Variants in PTCH2 observed in about 807,000 individuals in gnomAD.
PTCH2 encodes patched 2.
In PTCH2, 96 loss-of-function variants were observed where a neutral mutation model predicts 117.9. The ratio of observed to expected loss-of-function variants is 0.81; its 90% CI spans 0.69 to 0.96. The LOEUF (loss-of-function observed/expected upper bound fraction) is 0.96. PTCH2 is among the 50% of genes least tolerant of loss of function. The pLI is 0.00. For synonymous variants in PTCH2, 615 were observed against 660.9 expected, an observed-to-expected ratio of 0.93 and a Z score of 1.06; for missense variants, 1,379 against 1,562.5, an observed-to-expected ratio of 0.88 and a Z score of 1.98.
chr1:44,825,541 T>C (rs564515709), intron 19 of PTCH2, among the ~76,000 whole-genome samples: 1 of 152,256 alleles, frequency 6.6e-6, no homozygotes, highest in South Asian at 2.1e-4. Flanking sequence ...CCAAATTCTT[T>C]TTTGAGATTG....
At position 44,829,408 on chromosome 1, in the gene PTCH2, CA is replaced by C. The variant is rs756351532; in HGVS notation, c.1208del (p.Leu403ArgfsTer9). 6.2e-7 allele frequency: 1 copy of C among 1,614,190 alleles called. No individual in the cohort carries two copies. Among genetic ancestry groups the C allele is most frequent in the Non-Finnish European group, 8.5e-7 (1 of 1,180,026 alleles). ...VSAARVVGGY[L>X]LMLAYACVTM... ...TGCCAGGTGCAAGACCCACCATGAG[CA>C]GATAGCCTCCCACCACACGGGCAGC... On this transcript the variant is annotated frameshift_variant, in exon 9 of 22. Coordinates refer to ENST00000372192, the MANE Select transcript of PTCH2 (RefSeq NM_003738.5). LOFTEE classifies it high-confidence loss of function.
At chr1:44,835,782 C>T (rs192351864) in intron 2 of PTCH2, among the ~76,000 whole-genome samples, 14 of 152,194 alleles carry the variant, frequency 9.2e-5, no homozygotes, top group East Asian at 3.9e-4. Context: ...GAGGTGCCCA[C>T]GAGAAGAAGT....
In PTCH2 at chr1:44,823,055, G is replaced by T. The variant is rs765650749; in HGVS notation, c.3357+14C>A. 6.2e-7 allele frequency: 1 copy of T among 1,610,442 alleles called. No homozygotes were observed. Among genetic ancestry groups the T allele is most frequent in the Non-Finnish European group, 8.5e-7 (1 of 1,178,514 alleles). Reference sequence around the variant, plus strand: ...GGGCTGGGAGTAGAGGGATGGTGCCGAGGGTGTGGTCACCTCTGGCGGCGG... The same window carrying T: ...GGGCTGGGAGTAGAGGGATGGTGCCTAGGGTGTGGTCACCTCTGGCGGCGG... On this transcript the variant is annotated intron_variant, in intron 21 of 21. Transcript: ENST00000372192. This position sits in a 1 kb window ranked among gnomAD's most constrained non-coding sequence, Gnocchi z 5.1.
rs1653000364 is a variant in PTCH2 at position 44,823,372 on chromosome 1, G to A, written c.3128C>T (p.Thr1043Ile). The change falls in exon 20 of 22, where the codon ACC becomes ATC. Residue 1043 changes from threonine (T) to isoleucine (I), a missense_variant. By Grantham distance (89) the Thr-to-Ile change is moderately conservative (BLOSUM62 -1). Coordinates refer to ENST00000372192, the MANE Select transcript of PTCH2 (RefSeq NM_003738.5). The surrounding 1 kb of genome is among the most constrained non-coding windows in gnomAD (Gnocchi z 5.1). ...TVHVALGFLTTQGSRNLRAAH... is the reference protein window; with the variant it reads ...TVHVALGFLTIQGSRNLRAAH... ...GGCCCGCAGGTTCCGGCTGCCCTGG[G>A]TGGTCAGGAAGCCCTAGGAAAACAG... 1 of 1,614,222 alleles carries A rather than the reference G, an allele frequency of 6.2e-7. No individual in the cohort carries two copies. The highest frequency in any genetic ancestry group is 1.1e-5 in the South Asian group (1 of 91,092).
downstream of PTCH2, chr1:44,821,912 A>G (rs1015138626): frequency 2.2e-6 from 3 of 1,364,316 alleles, no homozygotes; most frequent in Admixed American, 1.9e-5. Context: ...ACTCTGTCCA[A>G]AAAAAAGCAC....
At position 44,826,759 on chromosome 1, in the gene PTCH2, G is replaced by A; in HGVS notation, c.2705C>T (p.Ala902Val). 1 of 1,597,176 alleles carries A rather than the reference G, an allele frequency of 6.3e-7. No homozygotes were observed. Among genetic ancestry groups the A allele is most frequent in the East Asian group, 2.2e-5 (1 of 44,628 alleles). The change falls in exon 18 of 22, where the codon GCT (alanine) becomes GTT (valine). Residue 902 changes from alanine (A) to valine (V), a missense_variant. Ala to Val is a moderately conservative substitution (Grantham distance 64). Transcript: ENST00000372192. The surrounding 1 kb of genome is among the most constrained non-coding windows in gnomAD (Gnocchi z 5.1). Reference protein sequence around the residue: ...TTGENLRIPPAQPLEFAQFPF... With the variant: ...TTGENLRIPPVQPLEFAQFPF... The stretch of plus-strand genomic sequence containing the variant: ...GAACTGGGCAAACTCCAAGGGCTGA[G>A]CTGGCGGGACTGTGGAGGGGAGGGG...
At chr1:44,827,125 T>C (rs2148874882) in intron 16 of PTCH2, 42 bp downstream of exon 16, 1 of 1,613,942 alleles carries the variant, frequency 6.2e-7, no homozygotes, top group Non-Finnish European at 8.5e-7. Flanking sequence ...CCAGGAGGCC[T>C]GCAGCCCCTG....
At chr1:44,834,060 C>A (rs1231604859) in intron 2 of PTCH2, among the ~76,000 whole-genome samples, 1 of 152,082 alleles carries the variant, frequency 6.6e-6, no homozygotes, top group Non-Finnish European at 1.5e-5. Context: ...AAGTCACATT[C>A]CTGGCCTTCA....
chr1:44,821,441 TG>T (rs1652907747), downstream of PTCH2, among the ~76,000 whole-genome samples: 1 of 152,226 alleles, frequency 6.6e-6, no homozygotes, highest in Non-Finnish European at 1.5e-5. Context: ...CTCTGGAACC[TG>T]GCTCCTTTCC....
chr1:44,822,291 T>C lies in PTCH2; in HGVS notation c.*124A>G. The C allele has an allele frequency of 6.3e-7, 1 of 1,586,466 alleles. No individual in the cohort carries two copies. The highest frequency in any genetic ancestry group is 8.5e-7 in the Non-Finnish European group (1 of 1,172,860). On this transcript the variant is annotated 3_prime_UTR_variant, in exon 22 of 22. Coordinates refer to ENST00000372192, the MANE Select transcript of PTCH2 (RefSeq NM_003738.5). ...ATCAGGGAGGCCCATGACAGCTGGG[T>C]CGGGAGAGGGGATGCAGCAGCAGCA...
Position 44,822,062 on chromosome 1 carries a change from A to C in PTCH2, c.*353T>G. 7.4e-7 allele frequency: 1 copy of C among 1,356,700 alleles called. No individual in the cohort carries two copies. 84.0% of individuals were successfully genotyped at this position (1,356,700 alleles called of 1,614,324 possible). A position where few individuals can be genotyped will look rare whatever the true frequency, so the allele number is the denominator to read the frequency against. On this transcript the variant is annotated 3_prime_UTR_variant, in exon 22 of 22. Coordinates refer to ENST00000372192, the MANE Select transcript of PTCH2 (RefSeq NM_003738.5). The stretch of plus-strand genomic sequence containing the variant: ...TGGATGTGGTAGGAGGTGGGCAGGG[A>C]TATGGAGAGCCTGCCCAGGAGTCAC...
chr1:44,823,284 A>C lies in PTCH2; in HGVS notation c.3216T>G (p.Gly1072=). ...AGTGGGAACCAGCAAGCATGAGCAG[A>C]CCCAGCAATGTGGAGATGGCCCCAT... ...VTDGAISTLL[G]LLMLAGSHFD... Residue 1072 remains glycine, a synonymous_variant, in exon 20 of 22, where the codon GGT becomes GGG. Coordinates refer to ENST00000372192, the MANE Select transcript of PTCH2 (RefSeq NM_003738.5). The surrounding 1 kb of genome is among the most constrained non-coding windows in gnomAD (Gnocchi z 5.1). 3.1e-6 allele frequency: 5 copies of C among 1,614,190 alleles called. No individual in the cohort carries two copies. The highest frequency in any genetic ancestry group is 4.2e-6 in the Non-Finnish European group (5 of 1,180,026).
At position 44,826,845 on chromosome 1, in the gene PTCH2, G is replaced by A. The variant is rs2148874478; in HGVS notation, c.2695+57C>T. The A allele has an allele frequency of 6.2e-7, 1 of 1,612,170 alleles. No individual in the cohort carries two copies. Among genetic ancestry groups the A allele is most frequent in the Non-Finnish European group, 8.5e-7 (1 of 1,178,606 alleles). On this transcript the variant is annotated intron_variant, in intron 17 of 21. Transcript: ENST00000372192. The surrounding 1 kb of genome is among the most constrained non-coding windows in gnomAD (Gnocchi z 5.1). Reference sequence around the variant, plus strand: ...CGGGGCAGAGTGGGCAGGGCCTCAGGCTCAGGGCTTGTGTGGGCGAGGCTG... The same window carrying A: ...CGGGGCAGAGTGGGCAGGGCCTCAGACTCAGGGCTTGTGTGGGCGAGGCTG...
In PTCH2 at chr1:44,831,602, A is replaced by AGGACCTTG. The variant is rs1653447570; in HGVS notation, c.617+96_617+103dup. On this transcript the variant is annotated intron_variant, in intron 5 of 21. Coordinates refer to ENST00000372192, the MANE Select transcript of PTCH2 (RefSeq NM_003738.5). The surrounding 1 kb of genome is among the most constrained non-coding windows in gnomAD (Gnocchi z 4.3). ...TCTGTTCCTGGCCTGGGAGGTAATT[A>AGGACCTTG]GGACCTTGGTAAGGTTTTGATCATC... is the stretch of plus-strand genomic sequence containing the variant. 10 of 1,166,016 alleles carry AGGACCTTG rather than the reference A, an allele frequency of 8.6e-6. No individual in the cohort carries two copies. Among genetic ancestry groups the AGGACCTTG allele is most frequent in the Non-Finnish European group, 1.0e-5 (8 of 799,370 alleles). 72.2% of individuals were successfully genotyped at this position (1,166,016 alleles called of 1,614,324 possible).
intron 13 of PTCH2, 21 bp downstream of exon 13, chr1:44,828,273 AGG>A (rs761409101): frequency 1.9e-6 from 3 of 1,613,462 alleles, no homozygotes; most frequent in Non-Finnish European, 2.5e-6. Context: ...CACGGGAGGA[AGG>A]GGCTGGGGCG....
chr1:44,843,076 G>A lies in PTCH2; in HGVS notation c.-144C>T. The A allele has an allele frequency of 7.1e-7, 1 of 1,411,520 alleles. No homozygotes were observed. Among genetic ancestry groups the A allele is most frequent in the South Asian group, 1.6e-5 (1 of 63,696 alleles). 87.4% of individuals were successfully genotyped at this position (1,411,520 alleles called of 1,614,324 possible). ...GCGCGGGCGTGGGAGAGACTGTGGGGTGTGGGTGTTAAAGCGGCTGGGAGG... is the reference window on the plus strand; with the variant it reads ...GCGCGGGCGTGGGAGAGACTGTGGGATGTGGGTGTTAAAGCGGCTGGGAGG... On this transcript the variant is annotated 5_prime_UTR_variant, in exon 1 of 22. Transcript: ENST00000372192.
downstream of PTCH2, chr1:44,821,705 A>G (rs1652920475): frequency 2.6e-6 from 3 of 1,150,814 alleles, no homozygotes; most frequent in Non-Finnish European, 2.2e-6. Flanking sequence ...CTCCAGATTG[A>G]ACCCAGTAGG....
intron 2 of PTCH2, among the ~76,000 whole-genome samples, chr1:44,840,305 G>A (rs1653889241): frequency 6.6e-6 from 1 of 150,940 alleles, no homozygotes; most frequent in South Asian, 2.1e-4. Context: ...GTTTTATTAT[G>A]TTGGCCAGGT....
At chr1:44,837,695 T>C (rs1484980025) in intron 2 of PTCH2, among the ~76,000 whole-genome samples, 1 of 152,034 alleles carries the variant, frequency 6.6e-6, no homozygotes. Context: ...CCACCACGCC[T>C]GGCCTAAAAG....
Sources: gnomAD v4.1 joint callset for allele counts (sites outside exome capture counted in the v4.1 genomes callset) on GRCh38, gnomAD v4.1.1 for gene constraint, Gnocchi (gnomAD v3.1) non-coding constraint, MANE v1.5 for transcripts, NCBI Gene and HGNC (gene_info 2026-07-23, HGNC 2026-07-21) for gene names.